Variants in TRPM3 observed in about 807,000 individuals in gnomAD.
TRPM3 encodes long transient receptor potential channel 3.
Under a neutral mutation model 181.2 loss-of-function variants are expected in TRPM3, and 77 were observed. The observed-to-expected ratio is 0.42, with a 90% CI of 0.35 to 0.51. TRPM3 has a LOEUF of 0.51. TRPM3 is among the 20% of genes least tolerant of loss of function. TRPM3 has a pLI of 0.01. For missense variants in TRPM3, 1,759 were observed against 2,196.7 expected, an observed-to-expected ratio of 0.80 and a Z score of 3.98; for synonymous variants, 745 against 796.4, an observed-to-expected ratio of 0.94 and a Z score of 1.09.
rs987223278 is a variant in TRPM3, at chr9:70,529,327, C to A, written c.*6626G>T. 1 of 152,114 alleles carries A rather than the reference C, an allele frequency of 6.6e-6. No individual in the cohort carries two copies. The highest frequency in any genetic ancestry group is 1.5e-5 in the Non-Finnish European group (1 of 68,028). The allele number at this position is 152,114 out of a possible 1,614,324, so 9.4% of individuals were successfully genotyped here. ...AAAAGATGTATATATATTCAGCAAA[C>A]CCAATTTTAAAACCATTGTATTTGT... is the stretch of plus-strand genomic sequence containing the variant. On this transcript the variant is annotated 3_prime_UTR_variant, in exon 26 of 26. Coordinates refer to ENST00000677713, the MANE Select transcript of TRPM3 (RefSeq NM_001366145.2).
chr9:71,121,207 C>T lies in TRPM3; in HGVS notation c.148G>A (p.Ala50Thr). ...AGAAGTCTGACAGATGGAAGAAAGG[C>T]TGCGTGGCACAGCTTCCGGATGGTC... ...NWTIRKLCHAAFLPSVRLLKA... is the reference protein window; with the variant it reads ...NWTIRKLCHATFLPSVRLLKA... Residue 50 changes from alanine to threonine, a missense_variant, in exon 1 of 26, where the codon GCC (alanine) becomes ACC (threonine). Physicochemically the swap from Ala to Thr is moderately conservative, Grantham distance 58. Coordinates refer to ENST00000677713, the MANE Select transcript of TRPM3 (RefSeq NM_001366145.2). The T allele has an allele frequency of 6.2e-7, 1 of 1,613,984 alleles. No individual in the cohort carries two copies. The highest frequency in any genetic ancestry group is 2.2e-5 in the East Asian group (1 of 44,870).
chr9:70,684,710 G>A (rs1399707301), intron 8 of TRPM3, among the ~76,000 whole-genome samples: 1 of 152,136 alleles, frequency 6.6e-6, no homozygotes, highest in African/African-American at 2.4e-5. Context: ...AATTAAAATA[G>A]TAGTTTTGGG....
intron 1 of TRPM3, among the ~76,000 whole-genome samples, chr9:70,940,551 C>T (rs569645720): frequency 6.6e-6 from 1 of 152,090 alleles, no homozygotes; most frequent in Non-Finnish European, 1.5e-5. Context: ...ATGGGGCTTA[C>T]AGTATGGTGG....
At chr9:70,952,835 C>A (rs552692598) in intron 1 of TRPM3, among the ~76,000 whole-genome samples, 1 of 152,086 alleles carries the variant, frequency 6.6e-6, no homozygotes, top group African/African-American at 2.4e-5. Context: ...TGGATTTAAT[C>A]CAGAAAATCA....
intron 22 of TRPM3, among the ~76,000 whole-genome samples, chr9:70,553,784 G>T (rs1191442069): frequency 1.3e-5 from 2 of 152,224 alleles, no homozygotes; most frequent in Non-Finnish European, 2.9e-5. Flanking sequence ...CAACAGGGCA[G>T]CTGTTAATTG....
intron 14 of TRPM3, among the ~76,000 whole-genome samples, chr9:70,624,380 C>T (rs1258459076): frequency 6.6e-6 from 1 of 152,118 alleles, no homozygotes; most frequent in African/African-American, 2.4e-5. Flanking sequence ...AATACAGCCT[C>T]GAACTCCTGG....
At chr9:70,954,510 T>A (rs2097044397) in intron 1 of TRPM3, among the ~76,000 whole-genome samples, 1 of 152,200 alleles carries the variant, frequency 6.6e-6, no homozygotes, top group African/African-American at 2.4e-5. Flanking sequence ...TTTGGGGGCA[T>A]GTCTCATTTA....
rs114877538 is a variant in TRPM3 at position 70,771,403 on chromosome 9, A to G, written c.1149-9679T>C. Among the ~76,000 whole-genome samples, 1,022 of 151,726 alleles carry G rather than the reference A, an allele frequency of 6.7e-3. 14 individuals carry two copies. Among genetic ancestry groups the G allele is most frequent in the African/African-American group, 0.024 (985 of 41,378 alleles). On this transcript the variant is annotated intron_variant, in intron 7 of 25. Coordinates refer to ENST00000677713, the MANE Select transcript of TRPM3 (RefSeq NM_001366145.2). ...GAGAATCAGGCTTCTCTTGTTTGTT[A>G]TTTTTTCTTCATTCTCTTCATTCTT...
intron 1 of TRPM3, among the ~76,000 whole-genome samples, chr9:71,305,612 AAAATT>A (rs1459164543): frequency 1.3e-5 from 2 of 152,212 alleles, no homozygotes; most frequent in Non-Finnish European, 2.9e-5. Context: ...TTGCTTATAC[AAAATT>A]AAATTACTAG....
chr9:71,105,481 G>C (rs537458083), intron 1 of TRPM3, among the ~76,000 whole-genome samples: 4 of 152,298 alleles, frequency 2.6e-5, no homozygotes, highest in African/African-American at 7.2e-5. Flanking sequence ...GTTTCCTAGG[G>C]AATGGCAAGG....
At chr9:71,187,174 A>G (rs1587845154) in intron 1 of TRPM3, among the ~76,000 whole-genome samples, 2 of 152,164 alleles carry the variant, frequency 1.3e-5, no homozygotes, top group South Asian at 4.1e-4. Context: ...CATAGATTAG[A>G]TCAAGTTAAA....
intron 1 of TRPM3, among the ~76,000 whole-genome samples, chr9:71,226,009 T>TAAAAAAAAAAAAAAA: frequency 2.0e-4 from 7 of 34,708 alleles, no homozygotes; most frequent in African/African-American, 6.3e-4. Flanking sequence ...CAACAAAAGG[T>TAAAAAAAAAAAAAAA]AAAAAAAAAA....
intron 1 of TRPM3, among the ~76,000 whole-genome samples, chr9:71,234,641 CTTA>C (rs1303327359): frequency 6.6e-6 from 1 of 152,126 alleles, no homozygotes; most frequent in Non-Finnish European, 1.5e-5. Flanking sequence ...ATCTCTTCTT[CTTA>C]TAAGAACACC....
At chr9:70,762,991 G>A (rs2078423621) in intron 7 of TRPM3, among the ~76,000 whole-genome samples, 1 of 152,200 alleles carries the variant, frequency 6.6e-6, no homozygotes, top group African/African-American at 2.4e-5. Flanking sequence ...AAGAAGGCAA[G>A]ATGGGGAGCC....
chr9:71,333,693 C>A (rs1366298762), intron 1 of TRPM3, among the ~76,000 whole-genome samples: 8 of 151,806 alleles, frequency 5.3e-5, no homozygotes, highest in East Asian at 1.9e-4. Flanking sequence ...AACTTGAGGG[C>A]AGTTTTGTGG....
At chr9:70,955,804 T>A (rs935307680) in intron 1 of TRPM3, among the ~76,000 whole-genome samples, 19 of 152,190 alleles carry the variant, frequency 1.2e-4, no homozygotes, top group Admixed American at 6.5e-5. Flanking sequence ...AGAATCCAAG[T>A]CTTTGTCAAT....
At chr9:71,311,552 T>A (rs877690) in intron 1 of TRPM3, among the ~76,000 whole-genome samples, 1 of 152,026 alleles carries the variant, frequency 6.6e-6, no homozygotes, top group Non-Finnish European at 1.5e-5. Flanking sequence ...AACAACTGGA[T>A]GTCCACATGC....
chr9:70,913,166 AT>A, intron 1 of TRPM3, among the ~76,000 whole-genome samples: 1 of 152,164 alleles, frequency 6.6e-6, no homozygotes. Context: ...TCTTTTCCAA[AT>A]TTGTGATGAA....
intron 3 of TRPM3, 125 bp from the exon 4 acceptor site, chr9:70,846,716 T>G: frequency 1.4e-6 from 1 of 701,866 alleles, no homozygotes; most frequent in Non-Finnish European, 2.4e-6. Flanking sequence ...TCAGATTTTT[T>G]TAAAAGGGGT....
Sources: allele counts gnomAD v4.1 joint callset (sites outside exome capture counted in the v4.1 genomes callset), GRCh38; gene constraint gnomAD v4.1.1; transcripts MANE v1.5; gene names NCBI Gene and HGNC (gene_info 2026-07-23, HGNC 2026-07-21).